Variants in PHF20L1 observed in about 807,000 individuals in gnomAD.
The protein encoded by PHF20L1 is PHD finger protein 20-like protein 1.
In PHF20L1, 44 loss-of-function variants were observed where a neutral mutation model predicts 125.5. That is an observed-to-expected ratio of 0.35 (90% CI 0.28 to 0.45). The LOEUF (loss-of-function observed/expected upper bound fraction) is 0.45. Ranked by LOEUF, PHF20L1 falls within the 20% of genes least tolerant of loss-of-function variation. PHF20L1 has a pLI of 1.00. For synonymous variants in PHF20L1, 380 were observed against 403.1 expected, an observed-to-expected ratio of 0.94 and a Z score of 0.69; for missense variants, 1,012 against 1,217.2, an observed-to-expected ratio of 0.83 and a Z score of 2.51.
chr8:132,810,747 TAA>T (rs1433431587), intron 8 of PHF20L1: 1 of 292,092 alleles, frequency 3.4e-6, no homozygotes, highest in African/African-American at 2.2e-5. Context: ...ATGTAGACAT[TAA>T]GACAGAATTT....
intron 2 of PHF20L1, 22 bp downstream of exon 2, chr8:132,777,933 C>G: frequency 7.2e-7 from 1 of 1,391,620 alleles, no homozygotes; most frequent in South Asian, 1.2e-5. Flanking sequence ...ATAGAACTTT[C>G]ACCTAAATAT....
intron 1 of PHF20L1, among the ~76,000 whole-genome samples, chr8:132,777,108 A>C (rs1829891652): frequency 6.6e-6 from 1 of 152,234 alleles, no homozygotes; most frequent in Non-Finnish European, 1.5e-5. Context: ...AGTTAACAAA[A>C]GCATGTTATT....
At chr8:132,785,629 T>C in intron 2 of PHF20L1, among the ~76,000 whole-genome samples, 1 of 152,176 alleles carries the variant, frequency 6.6e-6, no homozygotes, top group East Asian at 1.9e-4. Context: ...CATTTCTTGC[T>C]ACAGATGGTT....
chr8:132,809,281 C>G (rs1272371013), intron 8 of PHF20L1: 1 of 152,202 alleles, frequency 6.6e-6, no homozygotes, highest in African/African-American at 2.4e-5. Flanking sequence ...ATTCTCGTGC[C>G]TCAGCCTCCC....
At chr8:132,802,144 CTTT>C (rs11326219) in intron 6 of PHF20L1, among the ~76,000 whole-genome samples, 3 of 143,744 alleles carry the variant, frequency 2.1e-5, no homozygotes, top group African/African-American at 5.1e-5. Context: ...TCTCTCAATC[CTTT>C]TTTTTTTTTT....
chr8:132,781,948 A>G (rs1262502802), intron 2 of PHF20L1, among the ~76,000 whole-genome samples: 3 of 152,220 alleles, frequency 2.0e-5, no homozygotes, highest in African/African-American at 2.4e-5. Flanking sequence ...TTTTAAAAAT[A>G]TTATAGCTTT....
At chr8:132,788,600 CTTT>C (rs34065960) in intron 2 of PHF20L1, among the ~76,000 whole-genome samples, 2 of 148,478 alleles carry the variant, frequency 1.3e-5, no homozygotes, top group Non-Finnish European at 3.0e-5. Context: ...TCATGGTTGA[CTTT>C]TTTTTTTTAT....
At chr8:132,813,521 C>G (rs1834619160) in intron 9 of PHF20L1, among the ~76,000 whole-genome samples, 1 of 151,884 alleles carries the variant, frequency 6.6e-6, no homozygotes, top group African/African-American at 2.4e-5. Context: ...CGTTCATATT[C>G]CAGAGAACTG....
At chr8:132,810,911 AAAG>A in intron 8 of PHF20L1, 132 bp from the exon 9 acceptor site, 1 of 650,988 alleles carries the variant, frequency 1.5e-6, no homozygotes, top group Non-Finnish European at 2.8e-6. Context: ...GTATTTTTGA[AAAG>A]AAAACATTTG....
Position 132,777,958 on chromosome 8 carries a change from C to G in PHF20L1, c.83+47C>G, listed in dbSNP as rs763679706. 7.1e-6 allele frequency: 8 copies of G among 1,126,400 alleles called. No individual in the cohort carries two copies. In the South Asian group the frequency reaches 1.0e-4, roughly 14 times the overall value. 69.8% of individuals were successfully genotyped at this position (1,126,400 alleles called of 1,614,324 possible). On this transcript the variant is annotated intron_variant, in intron 2 of 20. Coordinates refer to ENST00000395386, the MANE Select transcript of PHF20L1 (RefSeq NM_016018.5). ...CACCTAAATATCACAATATCTGTAG[C>G]CTTACATATGTTAATTAAAACAGTA...
intron 16 of PHF20L1, 70 bp downstream of exon 16, chr8:132,836,791 TTTTA>T: frequency 9.1e-7 from 1 of 1,098,112 alleles, no homozygotes; most frequent in Non-Finnish European, 1.4e-6. Flanking sequence ...CATCACGGTG[TTTTA>T]TTTCTTTACT....
intron 8 of PHF20L1, chr8:132,806,270 AACT>A (rs1164217437): frequency 6.6e-6 from 1 of 152,054 alleles, no homozygotes; most frequent in Non-Finnish European, 1.5e-5. Context: ...AAAAACAAAA[AACT>A]ACAACACAAA....
rs763560643 is a variant in PHF20L1 at position 132,804,072 on chromosome 8, G to A, written c.721+40G>A. ...CTTACGTTAATTCCTTATGACACTGGTAAACTCATGTAGTAAAGTCAAATC... is the reference window on the plus strand; with the variant it reads ...CTTACGTTAATTCCTTATGACACTGATAAACTCATGTAGTAAAGTCAAATC... On this transcript the variant is annotated intron_variant, in intron 7 of 20. Transcript: ENST00000395386. 31 of 1,283,202 alleles carry A rather than the reference G, an allele frequency of 2.4e-5. 1 individual carries two copies. In the East Asian group the frequency reaches 7.0e-4, roughly 29 times the overall value. The allele number at this position is 1,283,202 out of a possible 1,614,324, so 79.5% of individuals were successfully genotyped here.
At chr8:132,839,342 G>A (rs774913300) in intron 17 of PHF20L1, 45 bp from the exon 18 acceptor site, 15 of 1,455,918 alleles carry the variant, frequency 1.0e-5, no homozygotes, top group East Asian at 6.8e-5. Context: ...TGAAAAATCC[G>A]AGTAAGTGCA....
intron 2 of PHF20L1, among the ~76,000 whole-genome samples, chr8:132,793,649 T>C (rs1832040680): frequency 6.6e-6 from 1 of 152,212 alleles, no homozygotes; most frequent in Admixed American, 6.5e-5. Flanking sequence ...ACTTTCCTTG[T>C]AAAAGATTTT....
At chr8:132,820,568 C>G (rs991253081) in intron 12 of PHF20L1, among the ~76,000 whole-genome samples, 9 of 151,910 alleles carry the variant, frequency 5.9e-5, no homozygotes, top group African/African-American at 2.2e-4. Flanking sequence ...CCCCAAGAGG[C>G]CTCTGGTAGA....
intron 2 of PHF20L1, among the ~76,000 whole-genome samples, chr8:132,788,482 A>G (rs1202176844): frequency 2.0e-5 from 3 of 152,034 alleles, no homozygotes; most frequent in Admixed American, 1.3e-4. Context: ...TTGGCAGCAT[A>G]TTCTGGCCCT....
intron 18 of PHF20L1, among the ~76,000 whole-genome samples, chr8:132,840,394 G>A (rs1346808700): frequency 6.6e-6 from 1 of 151,950 alleles, no homozygotes; most frequent in Non-Finnish European, 1.5e-5. Flanking sequence ...TCACATGAAC[G>A]ATTGCCATGC....
At chr8:132,816,655 T>C (rs974470839) in intron 10 of PHF20L1, 9 of 381,836 alleles carry the variant, frequency 2.4e-5, no homozygotes, top group Non-Finnish European at 4.2e-5. Flanking sequence ...TGTTCCATTT[T>C]ATTTTCTTTT....
Sources: gnomAD v4.1 joint callset for allele counts (sites outside exome capture counted in the v4.1 genomes callset) on GRCh38, gnomAD v4.1.1 for gene constraint, MANE v1.5 for transcripts, NCBI Gene and HGNC (gene_info 2026-07-23, HGNC 2026-07-21) for gene names.